C10orf90: variants seen among roughly 807,000 people sequenced by gnomAD.
The protein encoded by C10orf90 is (E2-independent) E3 ubiquitin-conjugating enzyme FATS.
Under a neutral mutation model 62.5 loss-of-function variants are expected in C10orf90, and 56 were observed. That is an observed-to-expected ratio of 0.90 (90% CI 0.72 to 1.12). The LOEUF is 1.12. C10orf90 is among the 50% of genes most tolerant of loss of function. The pLI is 0.00. For synonymous variants in C10orf90, 386 were observed against 340.4 expected (o/e 1.13, Z -1.47); for missense variants, 970 against 880.4 (o/e 1.10, Z -1.29).
intron 1 of C10orf90, among the ~76,000 whole-genome samples, chr10:126,668,063 G>A (rs532103938): frequency 6.6e-6 from 1 of 152,108 alleles, no homozygotes; most frequent in African/African-American, 2.4e-5. Flanking sequence ...CTGGTGAGAG[G>A]TGGCTTCTCC....
Position 126,464,945 on chromosome 10 carries a change from C to G in C10orf90, c.1576G>C (p.Gly526Arg). Reference sequence around the variant, plus strand: ...GCAGACACAGTCATACATACTTCTCCTTGTTGCCTCTTGCTGCTTCCAGAA... The same window carrying G: ...GCAGACACAGTCATACATACTTCTCGTTGTTGCCTCTTGCTGCTTCCAGAA... ...VFSGSSKRQQ[G>R]EVCMTVSAPP... The change falls in exon 5 of 10, where the codon GGA (glycine) becomes CGA (arginine). Residue 526 changes from glycine (G) to arginine (R), a missense_variant. By Grantham distance (125) the Gly-to-Arg change is moderately radical. Transcript: ENST00000488181. 4.4e-6 allele frequency: 7 copies of G among 1,597,336 alleles called. No individual in the cohort carries two copies. Among genetic ancestry groups the G allele is most frequent in the Non-Finnish European group, 5.1e-6 (6 of 1,165,904 alleles).
chr10:126,478,116 A>G (rs1347295511), intron 4 of C10orf90, among the ~76,000 whole-genome samples: 3 of 152,254 alleles, frequency 2.0e-5, no homozygotes, highest in Non-Finnish European at 2.9e-5. Flanking sequence ...TCCTTGGAAT[A>G]AATAACTGGG....
Position 126,646,630 on chromosome 10 carries a change from C to T in C10orf90, c.248G>A (p.Ser83Asn). The T allele has an allele frequency of 2.3e-6, 1 of 442,024 alleles. No homozygotes were observed. The highest frequency in any genetic ancestry group is 4.5e-6 in the Non-Finnish European group (1 of 222,062). The allele number at this position is 442,024 out of a possible 1,614,324, so 27.4% of individuals were successfully genotyped here. Residue 83 changes from serine (S) to asparagine (N), a missense_variant, in exon 2 of 10, where the codon AGT becomes AAT. Physicochemically the swap from Ser to Asn is conservative, Grantham distance 46. Transcript: ENST00000488181. ...ATCTTTGGGGGATGAGAAGAGTCGA[C>T]TGTGGATCTAGAAAACAAACAGAAA... Reference protein sequence around the residue: ...EQTASRYEIHSRLFSSPKDHS... With the variant: ...EQTASRYEIHNRLFSSPKDHS...
chr10:126,623,237 A>G lies in C10orf90; in HGVS notation c.313+23328T>C, dbSNP rs377524499. ...TGAGTATAAGCTAAAAGGCTACAGG[A>G]CACCCCCATGAGGTCATCCCCACTA... is the stretch of plus-strand genomic sequence containing the variant. On this transcript the variant is annotated intron_variant, in intron 2 of 9. Transcript: ENST00000488181. 5.9e-5 allele frequency among the ~76,000 whole-genome samples: 9 copies of G among 152,218 alleles called. No homozygotes were observed. The East Asian group carries it at 1.2e-3, about 20-fold the overall frequency.
At chr10:126,523,494 C>T (rs1456927742) in intron 2 of C10orf90, 2 of 152,152 alleles carry the variant, frequency 1.3e-5, no homozygotes, top group Non-Finnish European at 2.9e-5. Context: ...GAGGAGATGA[C>T]ACACATAAAG....
At position 126,504,802 on chromosome 10, in the gene C10orf90, G is replaced by A. The variant is rs140913571; in HGVS notation, c.689C>T (p.Pro230Leu). 9 of 1,587,178 alleles carry A rather than the reference G, an allele frequency of 5.7e-6. No homozygotes were observed. The African/African-American group carries it at 1.2e-4, about 21-fold the overall frequency. ...PPKEERPCGG[P>L]RRGFASITIT... ...GGTGATGGATGCAAACCCTCTGCGG[G>A]GGCCCCCACAGGGTCTCTCCTCTTT... Residue 230 changes from proline to leucine, a missense_variant, in exon 4 of 10, where the codon CCC (proline) becomes CTC (leucine). Pro to Leu is a moderately conservative substitution (Grantham distance 98). Coordinates refer to ENST00000488181, the MANE Select transcript of C10orf90 (RefSeq NM_001350921.2). This position sits in a 1 kb window ranked among gnomAD's most constrained non-coding sequence, Gnocchi z 4.1.
At chr10:126,506,113 G>A (rs118102197) in intron 3 of C10orf90, among the ~76,000 whole-genome samples, 4 of 152,178 alleles carry the variant, frequency 2.6e-5, no homozygotes, top group Non-Finnish European at 5.9e-5. Flanking sequence ...TTCAATGATC[G>A]GTTGTATCAG....
intron 1 of C10orf90, among the ~76,000 whole-genome samples, chr10:126,653,059 G>T (rs189263952): frequency 6.6e-6 from 1 of 152,268 alleles, no homozygotes; most frequent in East Asian, 1.9e-4. Flanking sequence ...ACTACTTACT[G>T]CTAAAACAAA....
At chr10:126,572,925 A>G (rs558813788) in intron 2 of C10orf90, among the ~76,000 whole-genome samples, 21 of 152,142 alleles carry the variant, frequency 1.4e-4, no homozygotes, top group Non-Finnish European at 2.4e-4. Flanking sequence ...TTAGCATATC[A>G]TCAAGAAATA....
At chr10:126,486,005 A>G (rs1405792827) in intron 4 of C10orf90, among the ~76,000 whole-genome samples, 1 of 152,110 alleles carries the variant, frequency 6.6e-6, no homozygotes, top group Non-Finnish European at 1.5e-5. Context: ...TATATGGCTC[A>G]GCTGGCAAGA....
At chr10:126,660,328 T>G (rs1421802875) in intron 1 of C10orf90, among the ~76,000 whole-genome samples, 1 of 152,256 alleles carries the variant, frequency 6.6e-6, no homozygotes, top group Non-Finnish European at 1.5e-5. Context: ...CAGACAGGCC[T>G]GACCTAGTCA....
At chr10:126,444,572 A>G (rs570544301) in intron 7 of C10orf90, among the ~76,000 whole-genome samples, 2 of 152,206 alleles carry the variant, frequency 1.3e-5, no homozygotes, top group South Asian at 4.1e-4. Flanking sequence ...GGTAAAATCA[A>G]TATTGTGAAA....
chr10:126,584,831 G>A (rs1340340135), intron 2 of C10orf90, among the ~76,000 whole-genome samples: 1 of 152,120 alleles, frequency 6.6e-6, no homozygotes, highest in Non-Finnish European at 1.5e-5. Flanking sequence ...ATCCCTGAGT[G>A]ACACTATATG....
rs1351552654 is a variant in C10orf90 at position 126,504,892 on chromosome 10, A to G, written c.599T>C (p.Leu200Pro). ...GVNIHRAFAL[L>P]PGRLGIPAPS... ...TGCCGGGATTCCTAATCTGCCCGGA[A>G]GTAACGCAAATGCTCTGTGAATGTT... Residue 200 changes from leucine (L) to proline (P), a missense_variant, in exon 4 of 10, where the codon CTT (leucine) becomes CCT (proline). By Grantham distance (98) the Leu-to-Pro change is moderately conservative (BLOSUM62 -3). Coordinates refer to ENST00000488181, the MANE Select transcript of C10orf90 (RefSeq NM_001350921.2). This position sits in a 1 kb window ranked among gnomAD's most constrained non-coding sequence, Gnocchi z 4.1. 1.9e-6 allele frequency: 3 copies of G among 1,614,062 alleles called. No individual in the cohort carries two copies. Among genetic ancestry groups the G allele is most frequent in the Non-Finnish European group, 2.5e-6 (3 of 1,180,018 alleles).
At chr10:126,517,603 G>T (rs1863506785) in intron 2 of C10orf90, among the ~76,000 whole-genome samples, 4 of 152,132 alleles carry the variant, frequency 2.6e-5, no homozygotes, top group Admixed American at 2.6e-4. Flanking sequence ...CATGGCCCAG[G>T]ATGACTCTTA....
chr10:126,441,239 G>A (rs546984673), intron 7 of C10orf90, among the ~76,000 whole-genome samples: 104 of 152,190 alleles, frequency 6.8e-4, no homozygotes, highest in Non-Finnish European at 1.2e-3. Context: ...AATGCAAAAT[G>A]CTCTGGAAAG....
chr10:126,487,069 T>C (rs1224844525), intron 4 of C10orf90, among the ~76,000 whole-genome samples: 2 of 133,730 alleles, frequency 1.5e-5, no homozygotes, highest in Non-Finnish European at 3.0e-5. Flanking sequence ...CACTTGAACC[T>C]GGGAGGTAGA....
chr10:126,662,983 C>T (rs1486878287), intron 1 of C10orf90, among the ~76,000 whole-genome samples: 1 of 152,210 alleles, frequency 6.6e-6, no homozygotes, highest in Non-Finnish European at 1.5e-5. Context: ...TCCTCTGTGT[C>T]CCCGGCACCT....
At chr10:126,441,264 T>C (rs1858306476) in intron 7 of C10orf90, among the ~76,000 whole-genome samples, 1 of 151,840 alleles carries the variant, frequency 6.6e-6, no homozygotes, top group Non-Finnish European at 1.5e-5. Context: ...AGCAATAGAA[T>C]TGAACAAGTA....
Sources: allele counts gnomAD v4.1 joint callset (sites outside exome capture counted in the v4.1 genomes callset), GRCh38; gene constraint gnomAD v4.1.1; non-coding constraint Gnocchi (gnomAD v3.1); transcripts MANE v1.5; gene names NCBI Gene and HGNC (gene_info 2026-07-23, HGNC 2026-07-21).